BRWD1: variants seen among roughly 807,000 people sequenced by gnomAD.
The protein encoded by BRWD1 is bromodomain and WD repeat domain containing 1.
Under a neutral mutation model 251.2 loss-of-function variants are expected in BRWD1, and 82 were observed. The observed-to-expected ratio is 0.33, with a 90% CI of 0.27 to 0.39. The LOEUF (loss-of-function observed/expected upper bound fraction) is 0.39. Ranked by LOEUF, BRWD1 falls within the 10% of genes least tolerant of loss-of-function variation. The probability of loss-of-function intolerance (pLI) is 1.00; values close to 1 mark genes in which losing one functional copy is unlikely to be tolerated. For missense variants in BRWD1, 2,233 were observed against 2,711.6 expected, an observed-to-expected ratio of 0.82 and a Z score of 3.92; for synonymous variants, 918 against 902.8, an observed-to-expected ratio of 1.02 and a Z score of -0.30.
Position 39,188,932 on chromosome 21 carries a change from C to A in BRWD1, c.*7327G>T, listed in dbSNP as rs115615391. 4.8e-5 allele frequency: 47 copies of A among 985,226 alleles called. No homozygotes were observed. Among genetic ancestry groups the A allele is most frequent in the Non-Finnish European group, 5.4e-5 (45 of 829,908 alleles). 61.0% of individuals were successfully genotyped at this position (985,226 alleles called of 1,614,324 possible). A position where few individuals can be genotyped will look rare whatever the true frequency, so the allele number is the denominator to read the frequency against. Reference sequence around the variant, plus strand: ...GAGTAAGACACTCATCACGGCATTACTCTCATGCAGCATGCCCTTACCTCC... The same window carrying A: ...GAGTAAGACACTCATCACGGCATTAATCTCATGCAGCATGCCCTTACCTCC... On this transcript the variant is annotated 3_prime_UTR_variant, in exon 41 of 41. Transcript: ENST00000342449.
intron 23 of BRWD1, among the ~76,000 whole-genome samples, chr21:39,232,955 CCTCTT>C (rs1264199154): frequency 3.9e-5 from 6 of 152,132 alleles, no homozygotes; most frequent in African/African-American, 1.2e-4. Context: ...GAAGTCTCCT[CCTCTT>C]AAGTGTGGAC....
chr21:39,268,806 G>A (rs1433591084), intron 15 of BRWD1, among the ~76,000 whole-genome samples: 4 of 152,098 alleles, frequency 2.6e-5, no homozygotes, highest in Non-Finnish European at 5.9e-5. Context: ...CTAACACGGT[G>A]AAACCCCGTC....
intron 8 of BRWD1, among the ~76,000 whole-genome samples, chr21:39,286,016 C>CTTTTTTTTTTTTTTTT (rs57151774): frequency 1.9e-5 from 2 of 104,772 alleles, no homozygotes; most frequent in African/African-American, 3.9e-5. Flanking sequence ...ACCATATGAA[C>CTTTTTTTTTTTTTTTT]TTTTTTTTTT....
intron 4 of BRWD1, among the ~76,000 whole-genome samples, chr21:39,299,441 C>T (rs1196394066): frequency 6.6e-6 from 1 of 151,962 alleles, no homozygotes; most frequent in African/African-American, 2.4e-5. Context: ...TATTAGGTGC[C>T]AGGAGCCATA....
intron 17 of BRWD1, among the ~76,000 whole-genome samples, chr21:39,264,077 T>C (rs575970806): frequency 9.2e-5 from 14 of 152,284 alleles, no homozygotes; most frequent in African/African-American, 3.4e-4. Flanking sequence ...TAAGGAACTA[T>C]GACAACTAAC....
chr21:39,237,817 C>A (rs913787049), intron 22 of BRWD1, among the ~76,000 whole-genome samples: 1 of 151,870 alleles, frequency 6.6e-6, no homozygotes, highest in South Asian at 2.1e-4. Context: ...TGTATTTTAC[C>A]ACAATTAAAT....
chr21:39,225,249 C>T (rs1398523737), intron 27 of BRWD1, 52 bp from the exon 28 acceptor site: 1 of 1,307,220 alleles, frequency 7.6e-7, no homozygotes, highest in South Asian at 1.2e-5. Context: ...CATTCATTAA[C>T]ATTTTTTTAA....
rs771632539 is a variant in BRWD1, at chr21:39,278,725, A to C, written c.1003+18T>G. ...TTAAAAAAAAAAAACTAAGAAAAAA[A>C]TGTGAAGAAGTTCTTACCAACACTA... On this transcript the variant is annotated intron_variant, in intron 10 of 40. Coordinates refer to ENST00000342449, the MANE Select transcript of BRWD1 (RefSeq NM_033656.4). 8.4e-6 allele frequency: 13 copies of C among 1,554,796 alleles called. No individual in the cohort carries two copies. The highest frequency in any genetic ancestry group is 1.1e-5 in the Non-Finnish European group (13 of 1,157,086).
intron 4 of BRWD1, among the ~76,000 whole-genome samples, chr21:39,299,813 A>T (rs557906475): frequency 5.7e-3 from 11 of 1,916 alleles, no homozygotes; most frequent in African/African-American, 0.02. Flanking sequence ...CATCTCTACT[A>T]AAAAAAAAAA....
chr21:39,222,214 A>G (rs985258465), intron 29 of BRWD1, among the ~76,000 whole-genome samples: 2 of 151,688 alleles, frequency 1.3e-5, no homozygotes, highest in African/African-American at 4.8e-5. Flanking sequence ...TACCCAAAAG[A>G]AAAAAAAACT....
intron 15 of BRWD1, among the ~76,000 whole-genome samples, chr21:39,265,967 CATCAATTT>C (rs2034906279): frequency 6.6e-6 from 1 of 152,116 alleles, no homozygotes; most frequent in Non-Finnish European, 1.5e-5. Flanking sequence ...AGTTTAATAT[CATCAATTT>C]ATAGTTAAGT....
intron 25 of BRWD1, 133 bp from the exon 26 acceptor site, chr21:39,229,569 T>A: frequency 1.3e-6 from 1 of 784,834 alleles, no homozygotes; most frequent in Non-Finnish European, 2.0e-6. Flanking sequence ...TTAATACCAT[T>A]AATTACATTC....
At chr21:39,276,305 C>T in intron 11 of BRWD1, 92 bp from the exon 12 acceptor site, 4 of 1,139,640 alleles carry the variant, frequency 3.5e-6, no homozygotes, top group Non-Finnish European at 4.8e-6. Flanking sequence ...AGCCTATTTG[C>T]TTTAACAAGC....
rs1478925016 is a variant in BRWD1, at chr21:39,210,675, A to G, written c.4044+111T>C. 3.0e-6 allele frequency: 4 copies of G among 1,323,996 alleles called. No individual in the cohort carries two copies. The East Asian group carries it at 9.8e-5, about 32-fold the overall frequency. 82.0% of individuals were successfully genotyped at this position (1,323,996 alleles called of 1,614,324 possible). A position where few individuals can be genotyped will look rare whatever the true frequency, so the allele number is the denominator to read the frequency against. On this transcript the variant is annotated intron_variant, in intron 35 of 40. Transcript: ENST00000342449. ...CCACTAACTTAGTGATAGGAGCAAA[A>G]AAGTTAACATAAAGCCTGGGTATCT... is the stretch of plus-strand genomic sequence containing the variant.
At position 39,195,333 on chromosome 21, in the gene BRWD1, T is replaced by C; in HGVS notation, c.*926A>G. The C allele has an allele frequency of 5.0e-6, 5 of 999,442 alleles. No homozygotes were observed. The highest frequency in any genetic ancestry group is 6.0e-6 in the Non-Finnish European group (5 of 838,942). The allele number at this position is 999,442 out of a possible 1,614,324, so 61.9% of individuals were successfully genotyped here. On this transcript the variant is annotated 3_prime_UTR_variant, in exon 41 of 41. Coordinates refer to ENST00000342449, the MANE Select transcript of BRWD1 (RefSeq NM_033656.4). The stretch of plus-strand genomic sequence containing the variant: ...GGGGAAACCTACATATTAACTTAAA[T>C]ACTCTTTTAGCCCTGTACACTCTAT...
In BRWD1 at chr21:39,215,238, T is replaced by C. The variant is rs780700995; in HGVS notation, c.3784A>G (p.Lys1262Glu). The change falls in exon 32 of 41, where the codon AAG becomes GAG. Residue 1262 changes from lysine to glutamate, a missense_variant and splice_region_variant. Transcript: ENST00000342449. Reference protein sequence around the residue: ...KITDQLLKFIKNQHCTNISEL... With the variant: ...KITDQLLKFIENQHCTNISEL... Reference sequence around the variant, plus strand: ...CACAACATCTATGAAATTACTTACTTGATAAATTTTAAAAGTTGGTCAGTT... The same window carrying C: ...CACAACATCTATGAAATTACTTACTCGATAAATTTTAAAAGTTGGTCAGTT... The C allele has an allele frequency of 1.4e-5, 22 of 1,610,326 alleles. No homozygotes were observed. Among genetic ancestry groups the C allele is most frequent in the Non-Finnish European group, 1.9e-5 (22 of 1,176,898 alleles).
chr21:39,315,185 A>C (rs940307537), upstream of BRWD1, among the ~76,000 whole-genome samples: 1 of 151,912 alleles, frequency 6.6e-6, no homozygotes, highest in Admixed American at 6.6e-5. Context: ...TTATATTTTT[A>C]GTAGGGACGG....
chr21:39,225,166 A>C lies in BRWD1; in HGVS notation c.3240T>G (p.Ala1080=), dbSNP rs1450613000. 1 of 1,613,434 alleles carries C rather than the reference A, an allele frequency of 6.2e-7. No homozygotes were observed. Among genetic ancestry groups the C allele is most frequent in the Admixed American group, 1.7e-5 (1 of 60,016 alleles). The change falls in exon 28 of 41, where the codon GCT becomes GCG. Residue 1080 remains alanine (A), a synonymous_variant. Transcript: ENST00000342449. ...CDRFRSIIDD[A]WWFGTVLSQE... ...GACTTAACACTGTTCCAAACCACCA[A>C]GCATCATCAATAATAGAGCGGAATC... is the stretch of plus-strand genomic sequence containing the variant.
chr21:39,187,266 T>A lies in BRWD1; in HGVS notation c.*8993A>T. ...CTTTTAGATTACTCATTATCTTTAT[T>A]TTATTTGCAGCAACAGTAGCACATC... On this transcript the variant is annotated 3_prime_UTR_variant, in exon 41 of 41. Coordinates refer to ENST00000342449, the MANE Select transcript of BRWD1 (RefSeq NM_033656.4). 6.2e-7 allele frequency: 1 copy of A among 1,614,010 alleles called. No homozygotes were observed. Among genetic ancestry groups the A allele is most frequent in the East Asian group, 2.2e-5 (1 of 44,870 alleles).
Sources: gnomAD v4.1 joint callset for allele counts (sites outside exome capture counted in the v4.1 genomes callset) on GRCh38, gnomAD v4.1.1 for gene constraint, MANE v1.5 for transcripts, NCBI Gene and HGNC (gene_info 2026-07-23, HGNC 2026-07-21) for gene names.